Variants in SLC4A10 observed in about 807,000 individuals in gnomAD.
SLC4A10 encodes solute carrier family 4 member 10.
In SLC4A10, 42 loss-of-function variants were observed where a neutral mutation model predicts 137.7. That is an observed-to-expected ratio of 0.30 (90% confidence interval 0.24 to 0.39). The LOEUF (loss-of-function observed/expected upper bound fraction) is 0.39, where lower values mean the gene tolerates loss of function less well. SLC4A10 is among the 10% of genes least tolerant of loss of function. The probability of loss-of-function intolerance (pLI) is 1.00; values close to 1 mark genes in which losing one functional copy is unlikely to be tolerated. For missense variants in SLC4A10, 925 were observed against 1,355.0 expected (o/e 0.68, Z 4.98); for synonymous variants, 474 against 464.1 (o/e 1.02, Z -0.27).
chr2:161,902,462 T>G (rs1315551102), intron 12 of SLC4A10, among the ~76,000 whole-genome samples: 1 of 152,144 alleles, frequency 6.6e-6, no homozygotes, highest in Non-Finnish European at 1.5e-5. Flanking sequence ...TATTCAGAAA[T>G]GATCCCTAAA....
At chr2:161,644,459 G>C (rs1394901388) in intron 1 of SLC4A10, among the ~76,000 whole-genome samples, 2 of 149,350 alleles carry the variant, frequency 1.3e-5, no homozygotes, top group Non-Finnish European at 3.0e-5. Flanking sequence ...ACTCCAGCTT[G>C]GGCAACAGAG....
chr2:161,795,686 C>T (rs764715092), intron 2 of SLC4A10, among the ~76,000 whole-genome samples: 10 of 151,998 alleles, frequency 6.6e-5, no homozygotes, highest in Admixed American at 2.6e-4. Context: ...ACCTATTTAT[C>T]GGAAAGTTAC....
At chr2:161,663,777 A>G (rs751491274) in intron 1 of SLC4A10, among the ~76,000 whole-genome samples, 6 of 152,042 alleles carry the variant, frequency 3.9e-5, no homozygotes, top group Non-Finnish European at 8.8e-5. Flanking sequence ...TTTTGTTTCA[A>G]TTGGTTTCCA....
chr2:161,980,836 G>A lies in SLC4A10; in HGVS notation c.*27-2343G>A, dbSNP rs1700117894. On this transcript the variant is annotated intron_variant, in intron 26 of 26. Transcript: ENST00000446997. Reference sequence around the variant, plus strand: ...CTCCTAGGTCATTATGGAGTTCCTGGCATATAATAGATATGCAACATATGT... The same window carrying A: ...CTCCTAGGTCATTATGGAGTTCCTGACATATAATAGATATGCAACATATGT... Among the ~76,000 whole-genome samples the A allele has an allele frequency of 1.3e-5, 2 of 152,100 alleles. 1 individual carries two copies. Among genetic ancestry groups the A allele is most frequent in the Admixed American group, 1.3e-4 (2 of 15,278 alleles).
intron 1 of SLC4A10, among the ~76,000 whole-genome samples, chr2:161,627,378 A>T (rs1281734902): frequency 6.6e-6 from 1 of 152,098 alleles, no homozygotes; most frequent in South Asian, 2.1e-4. Flanking sequence ...TGGAGAGCCA[A>T]TTGGACAGGC....
chr2:161,708,950 A>AT (rs538067758), intron 1 of SLC4A10: 2 of 1,184,860 alleles, frequency 1.7e-6, no homozygotes, highest in East Asian at 5.2e-5. Flanking sequence ...TCCTTAGGAT[A>AT]TTTGAACAAG....
intron 1 of SLC4A10, among the ~76,000 whole-genome samples, chr2:161,741,949 C>G (rs1434414029): frequency 6.6e-6 from 1 of 152,158 alleles, no homozygotes; most frequent in Non-Finnish European, 1.5e-5. Flanking sequence ...ACCCATTAAC[C>G]ATCTTCATTC....
At chr2:161,977,846 C>A in intron 26 of SLC4A10, 86 bp downstream of exon 26, 2 of 1,311,856 alleles carry the variant, frequency 1.5e-6, no homozygotes, top group Non-Finnish European at 2.0e-6. Flanking sequence ...AGTCTATGTC[C>A]TCTGTGTGAG....
intron 3 of SLC4A10, among the ~76,000 whole-genome samples, chr2:161,810,215 T>C (rs2125630287): frequency 6.6e-6 from 1 of 152,202 alleles, no homozygotes; most frequent in African/African-American, 2.4e-5. Flanking sequence ...TGTACATTGA[T>C]TTTGTCTCCT....
chr2:161,830,252 C>G (rs1195219408), intron 3 of SLC4A10, among the ~76,000 whole-genome samples: 1 of 151,312 alleles, frequency 6.6e-6, no homozygotes, highest in Non-Finnish European at 1.5e-5. Flanking sequence ...CACATCTATT[C>G]TTATCTGATT....
chr2:161,871,581 G>A (rs1214279920), intron 6 of SLC4A10, among the ~76,000 whole-genome samples: 1 of 151,306 alleles, frequency 6.6e-6, no homozygotes, highest in African/African-American at 2.4e-5. Flanking sequence ...CCTATAATAG[G>A]GAAAAGAACT....
In SLC4A10 at chr2:161,873,909, C is replaced by T. The variant is rs776921014; in HGVS notation, c.859-7C>T. On this transcript the variant is annotated splice_polypyrimidine_tract_variant and splice_region_variant and intron_variant, in intron 7 of 26. Transcript: ENST00000446997. ...TACCAGCTTAAGTCTGTTAATTATG[C>T]GTGCAGGGACTGGGAGGCCAACAAA... The T allele has an allele frequency of 7.5e-6, 12 of 1,590,022 alleles. No homozygotes were observed. Among genetic ancestry groups the T allele is most frequent in the East Asian group, 4.5e-5 (2 of 44,548 alleles).
chr2:161,846,472 G>A (rs1445876575), intron 4 of SLC4A10, among the ~76,000 whole-genome samples: 1 of 152,032 alleles, frequency 6.6e-6, no homozygotes, highest in African/African-American at 2.4e-5. Context: ...TGGACTCTTG[G>A]GCATTTATCC....
intron 1 of SLC4A10, among the ~76,000 whole-genome samples, chr2:161,694,832 T>C (rs2042331500): frequency 6.6e-6 from 1 of 152,052 alleles, no homozygotes; most frequent in South Asian, 2.1e-4. Context: ...ATTATTATTT[T>C]AGTTTAAAAT....
chr2:161,664,321 C>A (rs2038792506), intron 1 of SLC4A10, among the ~76,000 whole-genome samples: 1 of 151,880 alleles, frequency 6.6e-6, no homozygotes, highest in Non-Finnish European at 1.5e-5. Flanking sequence ...CCTGGGCTAA[C>A]AAATAGTCAG....
chr2:161,749,672 T>C (rs1425256891), intron 1 of SLC4A10, among the ~76,000 whole-genome samples: 4 of 151,962 alleles, frequency 2.6e-5, no homozygotes, highest in Non-Finnish European at 5.9e-5. Flanking sequence ...TAGTATTTTA[T>C]TGAGGATTCT....
intron 2 of SLC4A10, among the ~76,000 whole-genome samples, chr2:161,778,823 C>A (rs570014628): frequency 6.6e-6 from 1 of 151,964 alleles, no homozygotes; most frequent in East Asian, 1.9e-4. Context: ...AAGTCAAAAG[C>A]TTAGTGGAGA....
chr2:161,759,582 C>T (rs2050029384), intron 1 of SLC4A10, among the ~76,000 whole-genome samples: 1 of 151,844 alleles, frequency 6.6e-6, no homozygotes, highest in Non-Finnish European at 1.5e-5. Flanking sequence ...TCATATAGTA[C>T]TTGTTTTTCT....
intron 5 of SLC4A10, among the ~76,000 whole-genome samples, chr2:161,859,297 T>TTTTCTTTTCTTTTC (rs1457101920): frequency 2.8e-5 from 4 of 143,192 alleles, no homozygotes; most frequent in South Asian, 2.2e-4. Context: ...TTTTCTTTTC[T>TTTTCTTTTCTTTTC]TTTTTTTTTT....
Sources: gnomAD v4.1 joint callset for allele counts (sites outside exome capture counted in the v4.1 genomes callset) on GRCh38, gnomAD v4.1.1 for gene constraint, MANE v1.5 for transcripts, NCBI Gene and HGNC (gene_info 2026-07-23, HGNC 2026-07-21) for gene names.